The following NLGN1 variants were observed in gnomAD, a reference collection of about 807,000 sequenced individuals.
The protein encoded by NLGN1 is neuroligin 1, also known as neuroligin-1.
In NLGN1, 12 loss-of-function variants were observed where a neutral mutation model predicts 65.5. That is an observed-to-expected ratio of 0.18 (90% CI 0.12 to 0.30). The LOEUF (loss-of-function observed/expected upper bound fraction) is 0.30, where lower values mean the gene tolerates loss of function less well. Among genes scored for constraint, NLGN1 ranks in the 10% least tolerant of loss-of-function variants. The pLI is 1.00. For synonymous variants in NLGN1, 350 were observed against 359.5 expected, an observed-to-expected ratio of 0.97 and a Z score of 0.30; for missense variants, 750 against 1,007.1, an observed-to-expected ratio of 0.74 and a Z score of 3.46.
At chr3:173,573,535 T>C (rs952856241) in intron 2 of NLGN1, among the ~76,000 whole-genome samples, 6 of 148,980 alleles carry the variant, frequency 4.0e-5, no homozygotes, top group African/African-American at 1.5e-4. Flanking sequence ...TATAATCATT[T>C]ATAATATAAT....
chr3:174,236,517 AT>A (rs925329749), intron 4 of NLGN1, among the ~76,000 whole-genome samples: 2 of 152,046 alleles, frequency 1.3e-5, no homozygotes, highest in Non-Finnish European at 2.9e-5. Context: ...GATCCAAAAA[AT>A]GTCCCTCTTT....
chr3:174,265,791 A>ATATATATG (rs1326421549), intron 4 of NLGN1, among the ~76,000 whole-genome samples: 25 of 146,944 alleles, frequency 1.7e-4, no homozygotes, highest in African/African-American at 6.2e-4. Flanking sequence ...ATGTATATAT[A>ATATATATG]TATATATATA....
At chr3:174,073,588 C>A (rs933031984) in intron 4 of NLGN1, among the ~76,000 whole-genome samples, 1 of 152,048 alleles carries the variant, frequency 6.6e-6, no homozygotes, top group Non-Finnish European at 1.5e-5. Flanking sequence ...GCAGTGAAGC[C>A]TGAAAGATCA....
chr3:173,411,421 A>G (rs991871540), intron 1 of NLGN1, among the ~76,000 whole-genome samples: 1 of 152,092 alleles, frequency 6.6e-6, no homozygotes, highest in Non-Finnish European at 1.5e-5. Flanking sequence ...TGCCACTTGG[A>G]AGAGACTTTT....
chr3:173,932,955 T>C (rs34569849), intron 4 of NLGN1, among the ~76,000 whole-genome samples: 1 of 152,110 alleles, frequency 6.6e-6, no homozygotes, highest in Non-Finnish European at 1.5e-5. Context: ...AATTAAGAAA[T>C]ATTAATTTAT....
intron 4 of NLGN1, among the ~76,000 whole-genome samples, chr3:173,952,405 AT>A (rs572868851): frequency 6.6e-6 from 1 of 151,942 alleles, no homozygotes; most frequent in African/African-American, 2.4e-5. Flanking sequence ...TCTTCGTGAC[AT>A]TTTTTTTATT....
intron 2 of NLGN1, among the ~76,000 whole-genome samples, chr3:173,597,910 A>G (rs1048849185): frequency 5.3e-5 from 8 of 152,066 alleles, no homozygotes; most frequent in East Asian, 1.9e-4. Flanking sequence ...ACTTCAAGTT[A>G]TCTTCTTGAG....
chr3:173,737,226 C>G (rs1048530953), intron 3 of NLGN1, among the ~76,000 whole-genome samples: 1 of 61,668 alleles, frequency 1.6e-5, no homozygotes, highest in African/African-American at 6.8e-5. Flanking sequence ...ATAAAGCCTC[C>G]TCACTAAGAA....
intron 3 of NLGN1, among the ~76,000 whole-genome samples, chr3:173,702,828 G>A (rs1767449619): frequency 6.6e-6 from 1 of 152,130 alleles, no homozygotes; most frequent in Admixed American, 6.5e-5. Context: ...GCTTTAAACT[G>A]TTTTTACTCA....
At chr3:173,405,300 T>C (rs556345086) in intron 1 of NLGN1, among the ~76,000 whole-genome samples, 24 of 152,220 alleles carry the variant, frequency 1.6e-4, no homozygotes, top group African/African-American at 5.3e-4. Flanking sequence ...CCAGAACTCA[T>C]TTGCCTTCCT....
intron 4 of NLGN1, among the ~76,000 whole-genome samples, chr3:174,129,779 C>T (rs1162362894): frequency 6.6e-6 from 1 of 152,104 alleles, no homozygotes; most frequent in Non-Finnish European, 1.5e-5. Flanking sequence ...ATTAATGTGC[C>T]TTATAAAATA....
intron 4 of NLGN1, among the ~76,000 whole-genome samples, chr3:173,856,608 A>G (rs969075305): frequency 6.6e-6 from 1 of 152,150 alleles, no homozygotes. Context: ...GTTGCAGTGT[A>G]ACAGTGTGGC....
At chr3:173,564,935 G>A (rs1743381828) in intron 2 of NLGN1, among the ~76,000 whole-genome samples, 1 of 152,120 alleles carries the variant, frequency 6.6e-6, no homozygotes, top group Non-Finnish European at 1.5e-5. Flanking sequence ...CTATTTGCTG[G>A]ACACTGAGAA....
intron 4 of NLGN1, among the ~76,000 whole-genome samples, chr3:174,104,706 A>G (rs1184492598): frequency 6.6e-6 from 1 of 152,194 alleles, no homozygotes; most frequent in African/African-American, 2.4e-5. Context: ...ATAGGATTTG[A>G]GTTCAATCTT....
At chr3:174,083,214 G>T (rs2152553244) in intron 4 of NLGN1, among the ~76,000 whole-genome samples, 1 of 151,760 alleles carries the variant, frequency 6.6e-6, no homozygotes, top group African/African-American at 2.4e-5. Context: ...AAATAATCCT[G>T]TAGATTCTGG....
intron 3 of NLGN1, among the ~76,000 whole-genome samples, chr3:173,787,902 C>T (rs950127723): frequency 1.3e-5 from 2 of 152,080 alleles, no homozygotes; most frequent in South Asian, 2.1e-4. Context: ...GCCTTTTAAA[C>T]GTGATCACAG....
exon 6 of NLGN1, chr3:174,278,904 C>A: frequency 6.6e-7 from 1 of 1,509,842 alleles, no homozygotes; most frequent in Non-Finnish European, 8.8e-7. Flanking sequence ...CAGCCCTTTC[C>A]AGCTGGGCTG....
chr3:173,534,431 G>A (rs915827003), intron 2 of NLGN1, among the ~76,000 whole-genome samples: 41 of 151,972 alleles, frequency 2.7e-4, no homozygotes, highest in Non-Finnish European at 5.4e-4. Context: ...CTTCAAACTG[G>A]CCCCAGCTGG....
At chr3:173,634,577 T>A (rs1756275848) in intron 3 of NLGN1, among the ~76,000 whole-genome samples, 1 of 152,182 alleles carries the variant, frequency 6.6e-6, no homozygotes, top group South Asian at 2.1e-4. Flanking sequence ...TTTTGACTAA[T>A]TTGTAATATA....
Sources: gnomAD v4.1 joint callset for allele counts (sites outside exome capture counted in the v4.1 genomes callset) on GRCh38, gnomAD v4.1.1 for gene constraint, MANE v1.5 for transcripts, NCBI Gene and HGNC (gene_info 2026-07-23, HGNC 2026-07-21) for gene names.